The following METTL25 variants were observed in gnomAD, a reference collection of about 807,000 sequenced individuals.
METTL25 encodes the protein methyltransferase like 25.
In METTL25, 64 loss-of-function variants were observed where a neutral mutation model predicts 71.6. That is an observed-to-expected ratio of 0.89 (90% CI 0.73 to 1.10). METTL25 has a LOEUF of 1.10. Among genes scored for constraint, METTL25 ranks in the 50% least tolerant of loss-of-function variants. The pLI is 0.00. For missense variants in METTL25, 807 were observed against 707.0 expected, an observed-to-expected ratio of 1.14 and a Z score of -1.60; for synonymous variants, 287 against 250.3, an observed-to-expected ratio of 1.15 and a Z score of -1.38.
chr12:82,438,547 A>T, intron 7 of METTL25, 171 bp from the exon 8 acceptor site: 1 of 336,760 alleles, frequency 3.0e-6, no homozygotes. Context: ...TTTCACAATG[A>T]GAATTAGCCT....
chr12:82,426,115 G>A lies in METTL25; in HGVS notation c.1280-4778G>A, dbSNP rs531229987. Among the ~76,000 whole-genome samples the A allele has an allele frequency of 1.9e-3, 285 of 152,174 alleles. 1 individual carries two copies. Among genetic ancestry groups the A allele is most frequent in the Non-Finnish European group, 3.1e-3 (210 of 67,988 alleles). On this transcript the variant is annotated intron_variant, in intron 5 of 11. Transcript: ENST00000248306. ...ACTCTAACTTTGATTCAGGTCATAT[G>A]AGGGAGCTTCAGTCCTCACTGCAGA...
Position 82,372,524 on chromosome 12 carries a change from C to T in METTL25, c.259+13700C>T, listed in dbSNP as rs565705018. 7.6e-4 allele frequency among the ~76,000 whole-genome samples: 115 copies of T among 152,286 alleles called. No individual in the cohort carries two copies. In the South Asian group the frequency reaches 0.017, roughly 22 times the overall value. ...AAGAAAGCTTGGACATAAGGTATTT[C>T]ACTCCATTTGCCTTCCCTTTTACAG... On this transcript the variant is annotated intron_variant, in intron 1 of 11. Transcript: ENST00000248306.
chr12:82,386,488 T>A (rs79691809), intron 1 of METTL25, among the ~76,000 whole-genome samples: 38 of 130,780 alleles, frequency 2.9e-4, no homozygotes, highest in African/African-American at 5.3e-4. Context: ...CCTCCTTTCC[T>A]TCCTCCCTCC....
At chr12:82,368,907 T>C (rs1882882990) in intron 1 of METTL25, among the ~76,000 whole-genome samples, 2 of 152,168 alleles carry the variant, frequency 1.3e-5, no homozygotes, top group Non-Finnish European at 2.9e-5. Flanking sequence ...ATGGGTGAAA[T>C]AATTTGATGT....
chr12:82,389,818 G>A lies in METTL25; in HGVS notation c.427G>A (p.Glu143Lys). 6.3e-7 allele frequency: 1 copy of A among 1,587,146 alleles called. No individual in the cohort carries two copies. Among genetic ancestry groups the A allele is most frequent in the East Asian group, 2.3e-5 (1 of 44,364 alleles). The change falls in exon 3 of 12, where the codon GAA becomes AAA. Residue 143 changes from glutamate to lysine, a missense_variant and splice_region_variant. Coordinates refer to ENST00000248306, the MANE Select transcript of METTL25 (RefSeq NM_032230.3). ...LRGNQNQRIGENQKAVEFMNM... is the reference protein window; with the variant it reads ...LRGNQNQRIGKNQKAVEFMNM... ...GTTTTTACTTTTATTTTCATTAGGT[G>A]AAAATCAGAAGGCAGTTGAGTTTAT...
rs1003550382 is a variant in METTL25, at chr12:82,369,365, C to T, written c.259+10541C>T. 16 of 381,794 alleles carry T rather than the reference C, an allele frequency of 4.2e-5. No individual in the cohort carries two copies. In the East Asian group the frequency reaches 5.1e-4, roughly 12 times the overall value. The allele number at this position is 381,794 out of a possible 1,614,324, so 23.7% of individuals were successfully genotyped here. ...AGGTACAAATTCAATGTTTTGTGTCCGGAATTGTTTGTTCCTCCCAGTGGG... is the reference window on the plus strand; with the variant it reads ...AGGTACAAATTCAATGTTTTGTGTCTGGAATTGTTTGTTCCTCCCAGTGGG... On this transcript the variant is annotated intron_variant, in intron 1 of 11. Coordinates refer to ENST00000248306, the MANE Select transcript of METTL25 (RefSeq NM_032230.3).
intron 8 of METTL25, among the ~76,000 whole-genome samples, chr12:82,442,518 T>C (rs928706741): frequency 1.3e-5 from 2 of 152,154 alleles, no homozygotes; most frequent in African/African-American, 4.8e-5. Flanking sequence ...TATACATTCT[T>C]GAAATGACAG....
intron 2 of METTL25, among the ~76,000 whole-genome samples, chr12:82,388,156 T>G (rs974139718): frequency 6.6e-6 from 1 of 152,148 alleles, no homozygotes; most frequent in Non-Finnish European, 1.5e-5. Flanking sequence ...ACTACTCAAG[T>G]GATTCCTTTT....
chr12:82,440,696 A>G (rs994408395), intron 8 of METTL25, among the ~76,000 whole-genome samples: 1 of 152,068 alleles, frequency 6.6e-6, no homozygotes, highest in Non-Finnish European at 1.5e-5. Flanking sequence ...TGAAAACCAA[A>G]CGAAATGATT....
chr12:82,445,292 A>C (rs1305029769), intron 8 of METTL25, among the ~76,000 whole-genome samples: 2 of 152,146 alleles, frequency 1.3e-5, no homozygotes, highest in Non-Finnish European at 2.9e-5. Flanking sequence ...TCTATAATAA[A>C]AGTCAAAATT....
chr12:82,360,494 G>A (rs1225859667), intron 1 of METTL25, among the ~76,000 whole-genome samples: 1 of 151,484 alleles, frequency 6.6e-6, no homozygotes, highest in Admixed American at 6.6e-5. Context: ...CTAGATAAGG[G>A]AGGAGTAAGT....
intron 1 of METTL25, among the ~76,000 whole-genome samples, chr12:82,369,908 TAC>T (rs1883028276): frequency 6.6e-6 from 1 of 152,182 alleles, no homozygotes; most frequent in South Asian, 2.1e-4. Context: ...GGTGCGTTTT[TAC>T]AGAGTGCTGA....
At chr12:82,399,487 C>A in intron 4 of METTL25, 93 bp downstream of exon 4, 2 of 990,150 alleles carry the variant, frequency 2.0e-6, no homozygotes, top group Non-Finnish European at 3.0e-6. Context: ...CTTACTTGAT[C>A]ACATTAATCT....
At chr12:82,408,047 C>T in intron 5 of METTL25, 8 of 610,368 alleles carry the variant, frequency 1.3e-5, no homozygotes, top group Non-Finnish European at 1.4e-5. Flanking sequence ...GATGCCTGGA[C>T]CTGCCTCTTA....
intron 7 of METTL25, among the ~76,000 whole-genome samples, chr12:82,436,830 A>T (rs930482482): frequency 5.3e-5 from 8 of 151,744 alleles, no homozygotes; most frequent in African/African-American, 1.9e-4. Context: ...ATAAAATTAA[A>T]CTTACCTATT....
intron 4 of METTL25, among the ~76,000 whole-genome samples, chr12:82,402,163 C>T (rs1358435882): frequency 1.3e-5 from 2 of 151,722 alleles, no homozygotes; most frequent in South Asian, 2.1e-4. Context: ...ATTTTAAATA[C>T]GATGTATACT....
intron 5 of METTL25, among the ~76,000 whole-genome samples, chr12:82,422,659 C>T (rs1888622654): frequency 6.6e-6 from 1 of 152,118 alleles, no homozygotes. Flanking sequence ...ATCATCTCAG[C>T]CCAAAATCTC....
At chr12:82,424,325 G>A (rs966831581) in intron 5 of METTL25, among the ~76,000 whole-genome samples, 1 of 150,976 alleles carries the variant, frequency 6.6e-6, no homozygotes, top group African/African-American at 2.4e-5. Flanking sequence ...TCATAGGTGG[G>A]AATTGAACAT....
intron 5 of METTL25, among the ~76,000 whole-genome samples, chr12:82,423,388 A>C (rs1888697757): frequency 6.6e-6 from 1 of 152,216 alleles, no homozygotes; most frequent in African/African-American, 2.4e-5. Context: ...TACAAAAATT[A>C]ATTCAAGATG....
Sources: allele counts gnomAD v4.1 joint callset (sites outside exome capture counted in the v4.1 genomes callset), GRCh38; gene constraint gnomAD v4.1.1; transcripts MANE v1.5; gene names NCBI Gene and HGNC (gene_info 2026-07-23, HGNC 2026-07-21).